The following FMN2 variants were observed in gnomAD, a reference collection of about 807,000 sequenced individuals.
The protein encoded by FMN2 is formin 2.
FMN2 carries 51 observed loss-of-function variants against 142.3 expected under a neutral mutation model. The ratio of observed to expected loss-of-function variants is 0.36; its 90% CI spans 0.29 to 0.45. The LOEUF (loss-of-function observed/expected upper bound fraction) is 0.45, where lower values mean the gene tolerates loss of function less well. Among genes scored for constraint, FMN2 ranks in the 20% least tolerant of loss-of-function variants. The probability of loss-of-function intolerance (pLI) is 1.00; values close to 1 mark genes in which losing one functional copy is unlikely to be tolerated. For missense variants in FMN2, 1,936 were observed against 2,122.8 expected (o/e 0.91, Z 1.73); for synonymous variants, 882 against 869.8 (o/e 1.01, Z -0.25).
chr1:240,215,590 TA>T (rs919887558), intron 6 of FMN2, among the ~76,000 whole-genome samples: 25 of 152,220 alleles, frequency 1.6e-4, no homozygotes, highest in Non-Finnish European at 3.5e-4. Context: ...TTAAATACTT[TA>T]AAAAAAGAAT....
chr1:240,423,253 A>T (rs1254350386), intron 15 of FMN2, among the ~76,000 whole-genome samples: 1 of 152,144 alleles, frequency 6.6e-6, no homozygotes, highest in African/African-American at 2.4e-5. Context: ...GTTCCTATGG[A>T]GGGTGGGGGA....
intron 7 of FMN2, among the ~76,000 whole-genome samples, chr1:240,282,214 C>G (rs573960364): frequency 1.6e-4 from 25 of 152,228 alleles, no homozygotes; most frequent in Admixed American, 1.2e-3. Context: ...TAAACCAAAG[C>G]TCATAGAGCT....
chr1:240,142,627 A>C, intron 2 of FMN2: 1 of 1,557,572 alleles, frequency 6.4e-7, no homozygotes, highest in South Asian at 1.2e-5. Context: ...TGCATGGCCC[A>C]CTGATACATC....
intron 1 of FMN2, among the ~76,000 whole-genome samples, chr1:240,101,674 C>T (rs1393152293): frequency 6.6e-6 from 1 of 151,562 alleles, no homozygotes; most frequent in Admixed American, 6.6e-5. Flanking sequence ...TCCAGAATAG[C>T]TGGGACCACA....
intron 16 of FMN2, 161 bp from the exon 17 acceptor site, chr1:240,472,210 GA>G (rs2103249634): frequency 1.7e-6 from 1 of 587,842 alleles, no homozygotes; most frequent in South Asian, 2.2e-5. Flanking sequence ...TGTAACAGTT[GA>G]GGCTTTCAAT....
chr1:240,275,246 C>T (rs1393199780), intron 7 of FMN2, among the ~76,000 whole-genome samples: 1 of 152,088 alleles, frequency 6.6e-6, no homozygotes, highest in Admixed American at 6.6e-5. Flanking sequence ...CCTAGCCCCC[C>T]AACCCCAAAC....
intron 7 of FMN2, among the ~76,000 whole-genome samples, chr1:240,266,038 AAATC>A (rs1668788123): frequency 1.5e-5 from 2 of 136,468 alleles, no homozygotes; most frequent in African/African-American, 5.7e-5. Context: ...TTTTTTTAAT[AAATC>A]AACTATTATT....
chr1:240,241,933 C>T (rs1233823963), intron 6 of FMN2, among the ~76,000 whole-genome samples: 1 of 150,794 alleles, frequency 6.6e-6, no homozygotes, highest in African/African-American at 2.5e-5. Context: ...GCAAGCTCCG[C>T]CTCCCGGGTT....
chr1:240,094,330 G>A (rs1661125474), intron 1 of FMN2, among the ~76,000 whole-genome samples: 1 of 152,146 alleles, frequency 6.6e-6, no homozygotes. Context: ...AAGAAAATCC[G>A]ATACATGCTA....
intron 15 of FMN2, among the ~76,000 whole-genome samples, chr1:240,405,356 C>T (rs143487823): frequency 2.6e-5 from 4 of 152,182 alleles, no homozygotes; most frequent in South Asian, 4.1e-4. Context: ...CGGTGCCTCA[C>T]GCCTGTAATC....
chr1:240,409,668 A>G (rs940599241), intron 15 of FMN2, among the ~76,000 whole-genome samples: 3 of 152,196 alleles, frequency 2.0e-5, no homozygotes, highest in Non-Finnish European at 4.4e-5. Flanking sequence ...TCAGCATTGT[A>G]ATATTTGTGT....
intron 11 of FMN2, among the ~76,000 whole-genome samples, chr1:240,331,409 C>G (rs1206708091): frequency 2.6e-5 from 4 of 152,092 alleles, no homozygotes; most frequent in Non-Finnish European, 4.4e-5. Context: ...GTTAGAGTCA[C>G]AGACTCAAGT....
chr1:240,437,557 C>T (rs934779842), intron 15 of FMN2, among the ~76,000 whole-genome samples: 1 of 152,104 alleles, frequency 6.6e-6, no homozygotes, highest in Non-Finnish European at 1.5e-5. Flanking sequence ...CCACCTTGGC[C>T]TCCCAAAGTG....
At chr1:240,107,516 C>T (rs1051828899) in intron 1 of FMN2, among the ~76,000 whole-genome samples, 1 of 151,924 alleles carries the variant, frequency 6.6e-6, no homozygotes, top group Non-Finnish European at 1.5e-5. Context: ...TTTCTTTTGT[C>T]TTTCTATAGT....
At chr1:240,381,534 G>A (rs906720143) in intron 14 of FMN2, among the ~76,000 whole-genome samples, 1 of 152,056 alleles carries the variant, frequency 6.6e-6, no homozygotes, top group Non-Finnish European at 1.5e-5. Context: ...GGTTCAAGCG[G>A]TTCTCCTGCC....
chr1:240,403,329 T>C (rs1674050211), intron 15 of FMN2, among the ~76,000 whole-genome samples: 1 of 152,234 alleles, frequency 6.6e-6, no homozygotes, highest in Admixed American at 6.5e-5. Flanking sequence ...GCTATTGAAA[T>C]TTTTATATAA....
intron 8 of FMN2, among the ~76,000 whole-genome samples, chr1:240,314,153 A>C (rs1311193887): frequency 6.6e-6 from 1 of 152,218 alleles, no homozygotes; most frequent in African/African-American, 2.4e-5. Flanking sequence ...TTTAATTATC[A>C]TATAAGAATT....
chr1:240,342,484 T>C (rs932247597), intron 13 of FMN2, among the ~76,000 whole-genome samples: 1 of 152,196 alleles, frequency 6.6e-6, no homozygotes, highest in Non-Finnish European at 1.5e-5. Context: ...CTTAAGTATA[T>C]CATGTTGAGC....
At chr1:240,155,871 G>A (rs1383476034) in intron 2 of FMN2, among the ~76,000 whole-genome samples, 1 of 149,296 alleles carries the variant, frequency 6.7e-6, no homozygotes, top group Non-Finnish European at 1.5e-5. Flanking sequence ...TGACCATCTG[G>A]ACTGGCACTT....
Sources: allele counts gnomAD v4.1 joint callset (sites outside exome capture counted in the v4.1 genomes callset), GRCh38; gene constraint gnomAD v4.1.1; transcripts MANE v1.5; gene names NCBI Gene and HGNC (gene_info 2026-07-23, HGNC 2026-07-21).